IGF2BP1: variants seen among roughly 807,000 people sequenced by gnomAD.
IGF2BP1 encodes insulin like growth factor 2 mRNA binding protein 1.
A neutral mutation model predicts 74.9 loss-of-function variants in IGF2BP1; 11 were observed. The ratio of observed to expected loss-of-function variants is 0.15; its 90% CI spans 0.09 to 0.24. The LOEUF (loss-of-function observed/expected upper bound fraction) is 0.24, where lower values mean the gene tolerates loss of function less well. Among genes scored for constraint, IGF2BP1 ranks in the 10% least tolerant of loss-of-function variants. IGF2BP1 has a pLI of 1.00. For synonymous variants in IGF2BP1, 287 were observed against 281.8 expected, an observed-to-expected ratio of 1.02 and a Z score of -0.18; for missense variants, 440 against 757.4, an observed-to-expected ratio of 0.58 and a Z score of 4.92.
intron 5 of IGF2BP1, chr17:49,037,185 A>G (rs2041999825): frequency 2.1e-6 from 1 of 477,742 alleles, no homozygotes. Context: ...TAAAATAATG[A>G]GAGAAAAGGC....
At chr17:49,047,568 G>GATATATTAATATTA in intron 14 of IGF2BP1, among the ~76,000 whole-genome samples, 1 of 151,614 alleles carries the variant, frequency 6.6e-6, no homozygotes, top group East Asian at 1.9e-4. Context: ...ATAAAGCCAG[G>GATATATTAATATTA]ATATATTAAT....
chr17:49,041,333 A>T (rs201285027), intron 7 of IGF2BP1, 45 bp from the exon 8 acceptor site: 2 of 1,609,482 alleles, frequency 1.2e-6, no homozygotes, highest in South Asian at 2.2e-5. Context: ...GAAGCCCACA[A>T]TTGAAGGAAC....
intron 2 of IGF2BP1, among the ~76,000 whole-genome samples, chr17:49,007,380 C>T (rs769151269): frequency 7.9e-5 from 12 of 152,214 alleles, no homozygotes; most frequent in Non-Finnish European, 1.3e-4. Flanking sequence ...TTTATGCCCA[C>T]TTCTTCATTT....
At chr17:49,046,141 C>T (rs2042105386) in intron 13 of IGF2BP1, 119 bp from the exon 14 acceptor site, 1 of 1,453,396 alleles carries the variant, frequency 6.9e-7, no homozygotes, top group Non-Finnish European at 9.5e-7. Context: ...CTTGATTCTA[C>T]TCCCCAAGCT....
chr17:49,042,218 A>C, intron 8 of IGF2BP1, 24 bp from the exon 9 acceptor site: 1 of 1,613,992 alleles, frequency 6.2e-7, no homozygotes, highest in South Asian at 1.1e-5. Flanking sequence ...CAGTGAAAGG[A>C]CACAACTCTG....
chr17:49,026,667 GCCTT>G lies in IGF2BP1; in HGVS notation c.337+158_337+161del, dbSNP rs1293462346. 103 of 595,084 alleles carry G rather than the reference GCCTT, an allele frequency of 1.7e-4. 1 individual carries two copies. Among genetic ancestry groups the G allele is most frequent in the African/African-American group, 1.1e-3 (57 of 49,718 alleles). The allele number at this position is 595,084 out of a possible 1,614,324, so 36.9% of individuals were successfully genotyped here. A position where few individuals can be genotyped will look rare whatever the true frequency, so the allele number is the denominator to read the frequency against. ...TTCCTGCCTGCCTTCCTGCCTTCCT[GCCTT>G]CCTTCCTGCCTTCCTGCCTTCCTGC... On this transcript the variant is annotated intron_variant, in intron 4 of 14. Coordinates refer to ENST00000290341, the MANE Select transcript of IGF2BP1 (RefSeq NM_006546.4).
chr17:49,031,478 T>C lies in IGF2BP1; in HGVS notation c.338-432T>C, dbSNP rs190697652. On this transcript the variant is annotated intron_variant, in intron 4 of 14. Coordinates refer to ENST00000290341, the MANE Select transcript of IGF2BP1 (RefSeq NM_006546.4). Reference sequence around the variant, plus strand: ...GCCTTTTTATTCAAGTTGGAGTATCTGCCAGGTGTCCTTTTCTTTCTTCTT... The same window carrying C: ...GCCTTTTTATTCAAGTTGGAGTATCCGCCAGGTGTCCTTTTCTTTCTTCTT... 2.6e-3 allele frequency among the ~76,000 whole-genome samples: 393 copies of C among 152,034 alleles called. 2 individuals are homozygous for C. The highest frequency in any genetic ancestry group is 8.8e-3 in the African/African-American group (364 of 41,492).
intron 2 of IGF2BP1, among the ~76,000 whole-genome samples, chr17:49,014,413 T>C (rs900360373): frequency 7.3e-5 from 11 of 151,520 alleles, no homozygotes; most frequent in African/African-American, 2.4e-4. Flanking sequence ...TAGGTTCTCT[T>C]GGCCGTCCCC....
intron 9 of IGF2BP1, among the ~76,000 whole-genome samples, chr17:49,042,665 G>A (rs766698564): frequency 6.6e-6 from 1 of 151,994 alleles, no homozygotes; most frequent in Non-Finnish European, 1.5e-5. Flanking sequence ...GGGGTCCATC[G>A]TTTTCATCTG....
chr17:48,997,685 G>GCCGCCC lies in IGF2BP1; in HGVS notation c.-60_-55dup. The GCCGCCC allele has an allele frequency of 6.4e-7, 1 of 1,566,486 alleles. No individual in the cohort carries two copies. The highest frequency in any genetic ancestry group is 1.4e-5 in the African/African-American group (1 of 73,852). ...CTCCGCCTCTTGGCCTAGGAGGCTCGCCGCCCGCGCCCGCTCGTTCGGCCT... is the reference window on the plus strand; with the variant it reads ...CTCCGCCTCTTGGCCTAGGAGGCTCGCCGCCCCCGCCCGCGCCCGCTCGTTCGGCCT... On this transcript the variant is annotated 5_prime_UTR_variant, in exon 1 of 15. Transcript: ENST00000290341. The surrounding 1 kb of genome is among the most constrained non-coding windows in gnomAD (Gnocchi z 4.8).
chr17:49,004,072 G>C (rs1385787514), intron 2 of IGF2BP1, among the ~76,000 whole-genome samples: 1 of 150,714 alleles, frequency 6.6e-6, no homozygotes, highest in East Asian at 2.0e-4. Context: ...GCCCGCCCCC[G>C]CGCCAGTCCC....
At chr17:48,999,951 T>A (rs1310062244) in intron 2 of IGF2BP1, among the ~76,000 whole-genome samples, 1 of 151,478 alleles carries the variant, frequency 6.6e-6, no homozygotes, top group Non-Finnish European at 1.5e-5. Context: ...TGTGTGTGTG[T>A]GTGTGTGTGT....
intron 10 of IGF2BP1, 137 bp downstream of exon 10, chr17:49,043,687 C>T (rs1382712056): frequency 9.1e-7 from 1 of 1,094,408 alleles, no homozygotes; most frequent in Non-Finnish European, 1.3e-6. Flanking sequence ...GGCATCCCTC[C>T]TCTCCAGTGC....
At chr17:49,026,544 C>A in intron 4 of IGF2BP1, 27 bp downstream of exon 4, 1 of 1,605,102 alleles carries the variant, frequency 6.2e-7, no homozygotes, top group Non-Finnish European at 8.5e-7. Flanking sequence ...TGTGGGGTGG[C>A]ACTCGTGGTG....
At chr17:49,027,016 C>G (rs1394343026) in intron 4 of IGF2BP1, among the ~76,000 whole-genome samples, 1 of 152,222 alleles carries the variant, frequency 6.6e-6, no homozygotes, top group Non-Finnish European at 1.5e-5. Context: ...GCTGGGATTA[C>G]AGGCGTGAGC....
chr17:49,018,869 C>T (rs564299232), intron 2 of IGF2BP1, among the ~76,000 whole-genome samples: 1 of 152,190 alleles, frequency 6.6e-6, no homozygotes, highest in East Asian at 1.9e-4. Flanking sequence ...AGAAGCTTGG[C>T]CTGGGGGAGG....
intron 14 of IGF2BP1, among the ~76,000 whole-genome samples, chr17:49,047,745 G>C (rs927946205): frequency 1.4e-5 from 2 of 143,040 alleles, no homozygotes; most frequent in Non-Finnish European, 3.0e-5. Flanking sequence ...ACAGGGTCTC[G>C]CTCTGCCATC....
intron 4 of IGF2BP1, among the ~76,000 whole-genome samples, chr17:49,030,101 T>C (rs1304827744): frequency 6.6e-6 from 1 of 151,488 alleles, no homozygotes; most frequent in Non-Finnish European, 1.5e-5. Flanking sequence ...TTTTTCTTTC[T>C]AGACTTCTAC....
Position 48,997,666 on chromosome 17 carries a change from C to T in IGF2BP1, c.-80C>T. 6.8e-7 allele frequency: 1 copy of T among 1,478,486 alleles called. No homozygotes were observed. Among genetic ancestry groups the T allele is most frequent in the Non-Finnish European group, 9.2e-7 (1 of 1,084,196 alleles). 91.6% of individuals were successfully genotyped at this position (1,478,486 alleles called of 1,614,324 possible). A position where few individuals can be genotyped will look rare whatever the true frequency, so the allele number is the denominator to read the frequency against. On this transcript the variant is annotated 5_prime_UTR_variant, in exon 1 of 15. Transcript: ENST00000290341. This position sits in a 1 kb window ranked among gnomAD's most constrained non-coding sequence, Gnocchi z 4.8. Reference sequence around the variant, plus strand: ...CGGCTCCTGCCGCCGGCCTCTCCGCCTCTTGGCCTAGGAGGCTCGCCGCCC... The same window carrying T: ...CGGCTCCTGCCGCCGGCCTCTCCGCTTCTTGGCCTAGGAGGCTCGCCGCCC...
Sources: gnomAD v4.1 joint callset for allele counts (sites outside exome capture counted in the v4.1 genomes callset) on GRCh38, gnomAD v4.1.1 for gene constraint, Gnocchi (gnomAD v3.1) non-coding constraint, MANE v1.5 for transcripts, NCBI Gene and HGNC (gene_info 2026-07-23, HGNC 2026-07-21) for gene names.